The following ZFYVE26 variants were observed in gnomAD, a reference collection of about 807,000 sequenced individuals.
ZFYVE26 encodes zinc finger FYVE domain-containing protein 26.
Under a neutral mutation model 276.5 loss-of-function variants are expected in ZFYVE26, and 181 were observed. The ratio of observed to expected loss-of-function variants is 0.65; its 90% confidence interval spans 0.58 to 0.74. The LOEUF is 0.74. Among genes scored for constraint, ZFYVE26 ranks in the 30% least tolerant of loss-of-function variants. The pLI is 0.00. For synonymous variants in ZFYVE26, 1,129 were observed against 1,203.1 expected (o/e 0.94, Z 1.27); for missense variants, 2,821 against 3,097.9 (o/e 0.91, Z 2.12).
rs140274743 is a variant in ZFYVE26, at chr14:67,812,518, C to T, written c.273+1468G>A. On this transcript the variant is annotated intron_variant, in intron 3 of 41. Coordinates refer to ENST00000347230, the MANE Select transcript of ZFYVE26 (RefSeq NM_015346.4). ...ATAATGACTGGACTTGGAAAACTAC[C>T]CCAAGAATTCACTGGACGCCATGGT... 3.0e-3 allele frequency among the ~76,000 whole-genome samples: 449 copies of T among 152,176 alleles called. 1 individual carries two copies. The highest frequency in any genetic ancestry group is 5.4e-3 in the Non-Finnish European group (367 of 67,994).
At chr14:67,739,116 T>C (rs532372552) in intron 13 of ZFYVE26, among the ~76,000 whole-genome samples, 2 of 152,156 alleles carry the variant, frequency 1.3e-5, no homozygotes, top group Non-Finnish European at 2.9e-5. Flanking sequence ...CGGTGGGATG[T>C]GGAAGGAGCC....
Position 67,785,111 on chromosome 14 carries a change from A to C in ZFYVE26, c.3471T>G (p.Ser1157Arg). The C allele has an allele frequency of 6.2e-7, 1 of 1,614,232 alleles. No individual in the cohort carries two copies. The highest frequency in any genetic ancestry group is 2.2e-5 in the East Asian group (1 of 44,874). ...RQMDYLGTFF[S>R]YCSTLAAVLL... ...GAACTGCAGCAAGGGTGCTGCAGTA[A>C]CTGAAGAAGGTGCCCAAGTAGTCCA... Residue 1157 changes from serine (S) to arginine (R), a missense_variant, in exon 19 of 42, where the codon AGT becomes AGG. By Grantham distance (110) the Ser-to-Arg change is moderately radical. Transcript: ENST00000347230.
In ZFYVE26 at chr14:67,798,348, T is replaced by C. The variant is rs771972941; in HGVS notation, c.1914A>G (p.Pro638=). 49 of 1,611,050 alleles carry C rather than the reference T, an allele frequency of 3.0e-5. No homozygotes were observed. The highest frequency in any genetic ancestry group is 4.1e-5 in the Non-Finnish European group (48 of 1,178,316). ...TTGGCATTGTATAAGCAAGGGTCTT[T>C]GGGACTCCCAGGGAACCCCGTTCTG... The part of the protein sequence containing the change: ...RKSERGSLGV[P]KTLAYTMPSH... Residue 638 remains proline, a synonymous_variant, in exon 11 of 42, where the codon CCA becomes CCG. Coordinates refer to ENST00000347230, the MANE Select transcript of ZFYVE26 (RefSeq NM_015346.4).
chr14:67,729,249 G>T, exon 14 of ZFYVE26: 1 of 1,609,798 alleles, frequency 6.2e-7, no homozygotes, highest in Non-Finnish European at 8.5e-7. Flanking sequence ...AGCTGGTCCG[G>T]CACTCCTCCC....
chr14:67,754,691 G>A (rs1756361945), intron 37 of ZFYVE26, among the ~76,000 whole-genome samples: 1 of 152,228 alleles, frequency 6.6e-6, no homozygotes. Flanking sequence ...TTAAGGACTT[G>A]GTGTGTTGAG....
At chr14:67,768,796 A>G (rs974419144) in intron 29 of ZFYVE26, among the ~76,000 whole-genome samples, 2 of 152,186 alleles carry the variant, frequency 1.3e-5, no homozygotes, top group Admixed American at 6.5e-5. Context: ...GAAACTGTAG[A>G]GTAAGTATGG....
intron 35 of ZFYVE26, chr14:67,761,137 C>T (rs2038916998): frequency 1.5e-6 from 1 of 663,484 alleles, no homozygotes; most frequent in Non-Finnish European, 2.7e-6. Flanking sequence ...AGGAATGAAA[C>T]ATGCCTTTGC....
intron 3 of ZFYVE26, among the ~76,000 whole-genome samples, chr14:67,810,490 T>C (rs1205330642): frequency 6.6e-6 from 1 of 152,272 alleles, no homozygotes; most frequent in African/African-American, 2.4e-5. Context: ...TGGCACATAT[T>C]TATATATTTT....
intron 3 of ZFYVE26, among the ~76,000 whole-genome samples, chr14:67,813,125 A>T (rs1401782298): frequency 1.3e-5 from 2 of 152,224 alleles, no homozygotes; most frequent in African/African-American, 4.8e-5. Flanking sequence ...AATTCTGGTG[A>T]CCGAGAGGAG....
rs886050643 is a variant in ZFYVE26 at position 67,734,003 on chromosome 14, C to T, written n.2680-4184G>A. On this transcript the variant is annotated intron_variant and non_coding_transcript_variant, in intron 13 of 14. Transcript: ENST00000394455. ...CTTGACCCTTCTGGGAATGTTTGCA[C>T]ACCTGACACTCTTGTGAGACTGGCT... The T allele has an allele frequency of 1.6e-5, 10 of 614,680 alleles. No individual in the cohort carries two copies. Among genetic ancestry groups the T allele is most frequent in the African/African-American group, 5.5e-5 (3 of 54,720 alleles). The allele number at this position is 614,680 out of a possible 1,614,324, so 38.1% of individuals were successfully genotyped here. A position where few individuals can be genotyped will look rare whatever the true frequency, so the allele number is the denominator to read the frequency against.
In ZFYVE26 at chr14:67,798,720, T is replaced by C. The variant is rs2040014875; in HGVS notation, c.1640-98A>G. On this transcript the variant is annotated intron_variant, in intron 10 of 41. Transcript: ENST00000347230. The stretch of plus-strand genomic sequence containing the variant: ...TCCCAGCGTCAAACATTCTCGCAAC[T>C]TTAGCTCATTTATTTATTTTTTAAT... 3 of 1,445,736 alleles carry C rather than the reference T, an allele frequency of 2.1e-6. No individual in the cohort carries two copies. In the South Asian group the frequency reaches 3.6e-5, roughly 17 times the overall value. The allele number at this position is 1,445,736 out of a possible 1,614,324, so 89.6% of individuals were successfully genotyped here.
chr14:67,778,073 A>C, intron 24 of ZFYVE26, 53 bp downstream of exon 24: 1 of 1,612,796 alleles, frequency 6.2e-7, no homozygotes, highest in Admixed American at 1.7e-5. Flanking sequence ...ATCTGATTTG[A>C]CTAAACTTCT....
rs2140185365 is a variant in ZFYVE26 at position 67,755,976 on chromosome 14, A to T, written c.6758T>A (p.Ile2253Asn). 1 of 1,614,252 alleles carries T rather than the reference A, an allele frequency of 6.2e-7. No individual in the cohort carries two copies. Among genetic ancestry groups the T allele is most frequent in the Non-Finnish European group, 8.5e-7 (1 of 1,180,040 alleles). The change falls in exon 36 of 42, where the codon ATT becomes AAT. Residue 2253 changes from isoleucine to asparagine, a missense_variant. Transcript: ENST00000347230. The part of the protein sequence containing the change: ...QHLQKKNYYH[I>N]LYELQQFMKD... ...CATAAACTGCTGCAGCTCATACAGA[A>T]TGTGGTAGTAGTTCTTCTTCTGTAA...
At chr14:67,802,032 CATGTGTTG>C (rs773966414) in intron 10 of ZFYVE26, 39 bp downstream of exon 10, 13 of 1,600,088 alleles carry the variant, frequency 8.1e-6, no homozygotes, top group Admixed American at 1.7e-5. Flanking sequence ...CACCCACTGG[CATGTGTTG>C]TTATCAGCTT....
intron 13 of ZFYVE26, among the ~76,000 whole-genome samples, chr14:67,733,351 T>A (rs1191446023): frequency 1.3e-5 from 2 of 152,212 alleles, no homozygotes; most frequent in African/African-American, 4.8e-5. Context: ...GATTTGGCAT[T>A]TTCTTCAATT....
chr14:67,806,448 T>C, intron 6 of ZFYVE26, 97 bp downstream of exon 6: 1 of 1,516,614 alleles, frequency 6.6e-7, no homozygotes, highest in Non-Finnish European at 9.1e-7. Context: ...ATTAGACTGC[T>C]TTATGGTGGC....
In ZFYVE26 at chr14:67,785,936, A is replaced by C. The variant is rs1032108876; in HGVS notation, c.3226T>G (p.Cys1076Gly). The C allele has an allele frequency of 6.2e-7, 1 of 1,614,224 alleles. No homozygotes were observed. Among genetic ancestry groups the C allele is most frequent in the Admixed American group, 1.7e-5 (1 of 60,018 alleles). The change falls in exon 18 of 42, where the codon TGT becomes GGT. Residue 1076 changes from cysteine to glycine, a missense_variant. Cys to Gly is a radical substitution (Grantham distance 159). Transcript: ENST00000347230. ...GAGAGGGTGGTGTGGCTGGCAACAC[A>C]GTCCTCGCTTAGGCTGGGCCAGCAC... is the stretch of plus-strand genomic sequence containing the variant. ...QMCWPSLSEDCVASHTTLSQQ... is the reference protein window; with the variant it reads ...QMCWPSLSEDGVASHTTLSQQ...
At chr14:67,761,605 A>G (rs2038931941) in intron 34 of ZFYVE26, 21 bp from the exon 35 acceptor site, 1 of 1,609,482 alleles carries the variant, frequency 6.2e-7, no homozygotes, top group Non-Finnish European at 8.5e-7. Context: ...AGGGAGCGAG[A>G]GAGAAAAATG....
At chr14:67,743,063 C>T (rs1231735336), downstream of ZFYVE26, among the ~76,000 whole-genome samples, 1 of 151,862 alleles carries the variant, frequency 6.6e-6, no homozygotes, top group East Asian at 1.9e-4. Flanking sequence ...GTCTCGAACT[C>T]CTGGGCTCAA....
Sources: allele counts gnomAD v4.1 joint callset (sites outside exome capture counted in the v4.1 genomes callset), GRCh38; gene constraint gnomAD v4.1.1; transcripts MANE v1.5; gene names NCBI Gene and HGNC (gene_info 2026-07-23, HGNC 2026-07-21).